DLGAP2: variants seen among roughly 807,000 people sequenced by gnomAD.
DLGAP2 encodes the protein DLG associated protein 2.
A neutral mutation model predicts 100.3 loss-of-function variants in DLGAP2; 26 were observed. That is an observed-to-expected ratio of 0.26 (90% confidence interval 0.19 to 0.36). DLGAP2 has a LOEUF of 0.36. DLGAP2 is among the 10% of genes least tolerant of loss of function. The pLI is 1.00. For synonymous variants in DLGAP2, 886 were observed against 630.1 expected (o/e 1.41, Z -6.08); for missense variants, 1,858 against 1,453.2 (o/e 1.28, Z -4.53).
chr8:1,498,977 G>A (rs1394159318), intron 3 of DLGAP2, among the ~76,000 whole-genome samples: 2 of 152,164 alleles, frequency 1.3e-5, no homozygotes, highest in African/African-American at 2.4e-5. Context: ...AACTTTGAAC[G>A]GTGTCACCTG....
chr8:783,269 C>G (rs1252753169), intron 1 of DLGAP2, among the ~76,000 whole-genome samples: 1 of 152,134 alleles, frequency 6.6e-6, no homozygotes, highest in African/African-American at 2.4e-5. Context: ...AATGGTTTGC[C>G]TGCACTCTGT....
chr8:1,520,389 G>A (rs1800551806), intron 4 of DLGAP2, among the ~76,000 whole-genome samples: 1 of 152,196 alleles, frequency 6.6e-6, no homozygotes, highest in Non-Finnish European at 1.5e-5. Flanking sequence ...TCGCACTGGC[G>A]TGGTGCATCT....
At chr8:1,484,950 G>C (rs1799200179) in intron 3 of DLGAP2, among the ~76,000 whole-genome samples, 1 of 152,096 alleles carries the variant, frequency 6.6e-6, no homozygotes, top group Admixed American at 6.5e-5. Context: ...CCTTCATTTT[G>C]CCACAGTGGC....
At chr8:922,358 TTATTCAAGTCA>T (rs1798732706) in intron 2 of DLGAP2, among the ~76,000 whole-genome samples, 1 of 152,172 alleles carries the variant, frequency 6.6e-6, no homozygotes, top group South Asian at 2.1e-4. Flanking sequence ...ATCCCTGAGG[TTATTCAAGTCA>T]TGCCGAATTT....
At chr8:984,251 T>A (rs866085285) in intron 2 of DLGAP2, among the ~76,000 whole-genome samples, 4 of 152,234 alleles carry the variant, frequency 2.6e-5, no homozygotes, top group Admixed American at 2.0e-4. Flanking sequence ...TCAGCCTGTT[T>A]TCTTCTATGC....
chr8:1,113,862 G>A (rs985995590), intron 2 of DLGAP2, among the ~76,000 whole-genome samples: 20 of 152,162 alleles, frequency 1.3e-4, no homozygotes, highest in Non-Finnish European at 7.4e-5. Flanking sequence ...ATATTTTGAG[G>A]TATGTTCCTT....
At chr8:1,681,333 A>T (rs1798939190) in intron 12 of DLGAP2, among the ~76,000 whole-genome samples, 1 of 151,560 alleles carries the variant, frequency 6.6e-6, no homozygotes, top group African/African-American at 2.4e-5. Flanking sequence ...ATATCTTTTA[A>T]AAAAAAATAG....
intron 2 of DLGAP2, chr8:1,002,013 G>A (rs944518554): frequency 3.9e-5 from 6 of 152,182 alleles, no homozygotes; most frequent in African/African-American, 1.4e-4. Flanking sequence ...TACGATACGG[G>A]CACTTAGCAT....
At chr8:747,063 C>A (rs561595675) in intron 1 of DLGAP2, among the ~76,000 whole-genome samples, 1 of 151,764 alleles carries the variant, frequency 6.6e-6, no homozygotes, top group Non-Finnish European at 1.5e-5. Context: ...TGGTTTTACT[C>A]GCCCTCCTGG....
intron 1 of DLGAP2, among the ~76,000 whole-genome samples, chr8:810,319 A>G (rs1414844623): frequency 6.6e-6 from 1 of 152,172 alleles, no homozygotes; most frequent in Non-Finnish European, 1.5e-5. Context: ...GCTGCTTCAT[A>G]TTGTTTTAGT....
chr8:1,217,204 T>C (rs2116802668), intron 2 of DLGAP2, among the ~76,000 whole-genome samples: 1 of 152,304 alleles, frequency 6.6e-6, no homozygotes, highest in East Asian at 1.9e-4. Flanking sequence ...AGGGAGAACA[T>C]GGAGTATTTA....
intron 3 of DLGAP2, among the ~76,000 whole-genome samples, chr8:1,456,233 C>T (rs917194250): frequency 8.5e-5 from 13 of 152,162 alleles, no homozygotes; most frequent in South Asian, 4.1e-4. Flanking sequence ...TGCCAAACAC[C>T]GAGTGTGCTG....
At position 1,210,727 on chromosome 8, in the gene DLGAP2, C is replaced by A. The variant is rs543554075; in HGVS notation, c.74-48124C>A. Among the ~76,000 whole-genome samples, 7 of 150,348 alleles carry A rather than the reference C, an allele frequency of 4.7e-5. No individual in the cohort carries two copies. The South Asian group carries it at 6.5e-4, about 14-fold the overall frequency. On this transcript the variant is annotated intron_variant, in intron 2 of 14. Coordinates refer to ENST00000637795, the MANE Select transcript of DLGAP2 (RefSeq NM_001346810.2). Reference sequence around the variant, plus strand: ...GAAACTGGCATAACTGACCCCCCACCCCCGGCCCTGGTTCCAATGGCAGCA... The same window carrying A: ...GAAACTGGCATAACTGACCCCCCACACCCGGCCCTGGTTCCAATGGCAGCA...
intron 3 of DLGAP2, among the ~76,000 whole-genome samples, chr8:1,337,575 G>C (rs1191441213): frequency 6.6e-6 from 1 of 151,428 alleles, no homozygotes; most frequent in Non-Finnish European, 1.5e-5. Context: ...TGAAGAGGAG[G>C]AGGAAGATGG....
chr8:1,535,443 G>A (rs1801124594), intron 4 of DLGAP2, among the ~76,000 whole-genome samples: 1 of 152,352 alleles, frequency 6.6e-6, no homozygotes, highest in Non-Finnish European at 1.5e-5. Flanking sequence ...GGCCAAGAGG[G>A]CAGGATTTTA....
intron 4 of DLGAP2, among the ~76,000 whole-genome samples, chr8:1,521,062 G>A (rs939478517): frequency 1.3e-5 from 2 of 152,234 alleles, no homozygotes; most frequent in African/African-American, 4.8e-5. Flanking sequence ...GGGTGTGGTG[G>A]TGTCTTGTTG....
chr8:918,485 A>G (rs1371173743), intron 2 of DLGAP2, among the ~76,000 whole-genome samples: 1 of 152,180 alleles, frequency 6.6e-6, no homozygotes, highest in Admixed American at 6.5e-5. Flanking sequence ...TTAGTGAAAG[A>G]CAGTGAGACA....
chr8:1,604,629 T>G (rs74746544), intron 6 of DLGAP2: 9 of 20,026 alleles, frequency 4.5e-4, no homozygotes, highest in East Asian at 6.6e-3. Context: ...CATACTAGCA[T>G]GCGGAAGACC....
chr8:1,475,886 G>A (rs1397773738), intron 3 of DLGAP2, among the ~76,000 whole-genome samples: 1 of 151,958 alleles, frequency 6.6e-6, no homozygotes, highest in Non-Finnish European at 1.5e-5. Flanking sequence ...CTCTCCCCTA[G>A]GAAATCTTAG....
Sources: allele counts gnomAD v4.1 joint callset (sites outside exome capture counted in the v4.1 genomes callset), GRCh38; gene constraint gnomAD v4.1.1; transcripts MANE v1.5; gene names NCBI Gene and HGNC (gene_info 2026-07-23, HGNC 2026-07-21).